MEGF11: variants seen among roughly 807,000 people sequenced by gnomAD.
The protein encoded by MEGF11 is multiple EGF like domains 11.
A neutral mutation model predicts 146.6 loss-of-function variants in MEGF11; 126 were observed. The ratio of observed to expected loss-of-function variants is 0.86; its 90% CI spans 0.74 to 1.00. The LOEUF is 1.00. MEGF11 is among the 50% of genes least tolerant of loss of function. The probability of loss-of-function intolerance (pLI) is 0.00; values close to 1 mark genes in which losing one functional copy is unlikely to be tolerated. For missense variants in MEGF11, 1,509 were observed against 1,521.2 expected, an observed-to-expected ratio of 0.99 and a Z score of 0.13; for synonymous variants, 532 against 583.4, an observed-to-expected ratio of 0.91 and a Z score of 1.27.
intron 1 of MEGF11, among the ~76,000 whole-genome samples, chr15:66,249,800 T>C (rs1196950423): frequency 6.6e-6 from 1 of 152,240 alleles, no homozygotes; most frequent in East Asian, 1.9e-4. Flanking sequence ...TCCAGACCCA[T>C]TGAATCAGAA....
intron 1 of MEGF11, among the ~76,000 whole-genome samples, chr15:66,223,131 T>C (rs12906743): frequency 0.99 from 150,199 of 152,366 alleles, 74,038 homozygotes; most frequent in Admixed American, 0.99. Flanking sequence ...CGTGCTATAT[T>C]CACAAAGTGA....
chr15:65,946,787 G>C (rs1241753103), intron 10 of MEGF11, among the ~76,000 whole-genome samples: 1 of 152,092 alleles, frequency 6.6e-6, no homozygotes, highest in African/African-American at 2.4e-5. Flanking sequence ...TGCTCGAGAC[G>C]GCAGTGGCTC....
intron 3 of MEGF11, among the ~76,000 whole-genome samples, chr15:66,123,527 T>A (rs1167388084): frequency 6.6e-6 from 1 of 152,160 alleles, no homozygotes; most frequent in Non-Finnish European, 1.5e-5. Flanking sequence ...CTATGGTATA[T>A]TATTGAGCAG....
At chr15:65,997,168 T>C (rs969045835) in intron 5 of MEGF11, among the ~76,000 whole-genome samples, 1 of 152,236 alleles carries the variant, frequency 6.6e-6, no homozygotes, top group African/African-American at 2.4e-5. Context: ...CAATGACCCC[T>C]GGTTTCCCTG....
At chr15:66,242,945 G>A (rs933836548) in intron 1 of MEGF11, among the ~76,000 whole-genome samples, 1 of 152,162 alleles carries the variant, frequency 6.6e-6, no homozygotes, top group African/African-American at 2.4e-5. Flanking sequence ...TGAATTTTCT[G>A]TTGCCACTTG....
chr15:65,923,066 G>A, intron 13 of MEGF11, 97 bp from the exon 14 acceptor site: 1 of 1,343,864 alleles, frequency 7.4e-7, no homozygotes, highest in Non-Finnish European at 1.0e-6. Flanking sequence ...AGAGGTGGAG[G>A]CAAGCATAGT....
chr15:66,116,465 C>T (rs2087735175), intron 4 of MEGF11, among the ~76,000 whole-genome samples: 2 of 152,168 alleles, frequency 1.3e-5, no homozygotes, highest in Admixed American at 1.3e-4. Context: ...CCTCCTTTGA[C>T]TAGGCTGGAA....
intron 2 of MEGF11, among the ~76,000 whole-genome samples, chr15:66,124,423 C>T (rs2088228259): frequency 6.6e-6 from 1 of 152,146 alleles, no homozygotes; most frequent in Non-Finnish European, 1.5e-5. Context: ...AGTAAGTGGC[C>T]CCATTTTATA....
At chr15:65,995,251 T>C (rs1011852228) in intron 5 of MEGF11, among the ~76,000 whole-genome samples, 4 of 152,228 alleles carry the variant, frequency 2.6e-5, no homozygotes, top group African/African-American at 9.6e-5. Context: ...CTGGAAAGGC[T>C]AGACCACTAC....
At chr15:66,191,928 A>T (rs1042051038) in intron 1 of MEGF11, among the ~76,000 whole-genome samples, 1 of 151,736 alleles carries the variant, frequency 6.6e-6, no homozygotes, top group East Asian at 1.9e-4. Context: ...ACAAAAAAAA[A>T]TTAGCTGGGC....
At chr15:65,908,929 A>T in intron 23 of MEGF11, 105 bp downstream of exon 23, 2 of 661,748 alleles carry the variant, frequency 3.0e-6, no homozygotes, top group Non-Finnish European at 2.6e-6. Context: ...TAAAAGGGAG[A>T]GTTCTGGGAC....
intron 5 of MEGF11, among the ~76,000 whole-genome samples, chr15:66,017,915 T>G (rs986458553): frequency 5.9e-5 from 9 of 152,118 alleles, no homozygotes; most frequent in African/African-American, 2.2e-4. Flanking sequence ...AGGCAGGCCC[T>G]CAAGGACAAG....
chr15:65,952,970 A>G (rs1278925121), intron 10 of MEGF11, among the ~76,000 whole-genome samples: 1 of 152,066 alleles, frequency 6.6e-6, no homozygotes, highest in Admixed American at 6.5e-5. Flanking sequence ...AGGCTTGTCC[A>G]CTCGTACAGT....
At chr15:65,957,151 A>G (rs750617947) in intron 10 of MEGF11, among the ~76,000 whole-genome samples, 1 of 152,242 alleles carries the variant, frequency 6.6e-6, no homozygotes, top group Non-Finnish European at 1.5e-5. Flanking sequence ...CTGCAGTGTT[A>G]TGAAGCCATT....
intron 1 of MEGF11, among the ~76,000 whole-genome samples, chr15:66,210,558 G>A (rs2091418293): frequency 6.6e-6 from 1 of 152,228 alleles, no homozygotes; most frequent in South Asian, 2.1e-4. Context: ...ATCTTGCAAA[G>A]TGAAAGCTCG....
At chr15:66,037,977 G>T (rs2083790898) in intron 5 of MEGF11, among the ~76,000 whole-genome samples, 1 of 152,190 alleles carries the variant, frequency 6.6e-6, no homozygotes, top group Admixed American at 6.5e-5. Flanking sequence ...AAAAACAACT[G>T]CTTGAAACAC....
intron 5 of MEGF11, among the ~76,000 whole-genome samples, chr15:66,038,385 T>G (rs576318880): frequency 1.1e-4 from 17 of 152,206 alleles, no homozygotes; most frequent in African/African-American, 3.9e-4. Flanking sequence ...ATTTTCTCCT[T>G]TATAAAATCG....
chr15:66,066,401 T>C lies in MEGF11; in HGVS notation c.394+28001A>G, dbSNP rs183850045. ...TAAGGCAGTGTTTCTCTAGAATTGC[T>C]GGAAGCCCAGGGGGAATCTATAGGA... is the stretch of plus-strand genomic sequence containing the variant. On this transcript the variant is annotated intron_variant, in intron 5 of 25. Coordinates refer to ENST00000395614, the MANE Select transcript of MEGF11 (RefSeq NM_001385028.1). 7.1e-4 allele frequency among the ~76,000 whole-genome samples: 108 copies of C among 152,342 alleles called. 1 individual carries two copies. The highest frequency in any genetic ancestry group is 2.5e-3 in the African/African-American group (105 of 41,566).
chr15:66,080,968 G>A (rs913641727), intron 5 of MEGF11, among the ~76,000 whole-genome samples: 1 of 152,226 alleles, frequency 6.6e-6, no homozygotes, highest in South Asian at 2.1e-4. Context: ...ATCTGAAGTT[G>A]CTTTAACCTT....
Sources: allele counts gnomAD v4.1 joint callset (sites outside exome capture counted in the v4.1 genomes callset), GRCh38; gene constraint gnomAD v4.1.1; transcripts MANE v1.5; gene names NCBI Gene and HGNC (gene_info 2026-07-23, HGNC 2026-07-21).